Variants in PHACTR3 observed in about 807,000 individuals in gnomAD.
PHACTR3 encodes the protein phosphatase and actin regulator 3, also known as protein phosphatase 1, regulatory subunit 123.
Under a neutral mutation model 66.8 loss-of-function variants are expected in PHACTR3, and 16 were observed. That is an observed-to-expected ratio of 0.24 (90% CI 0.16 to 0.36). The LOEUF (loss-of-function observed/expected upper bound fraction) is 0.36, where lower values mean the gene tolerates loss of function less well. Ranked by LOEUF, PHACTR3 falls within the 10% of genes least tolerant of loss-of-function variation. The pLI is 1.00. For missense variants in PHACTR3, 647 were observed against 719.9 expected (o/e 0.90, Z 1.16); for synonymous variants, 323 against 292.1 (o/e 1.11, Z -1.08).
At chr20:59,844,701 G>C (rs546078105) in intron 11 of PHACTR3, 1 of 152,220 alleles carries the variant, frequency 6.6e-6, no homozygotes, top group East Asian at 1.9e-4. Flanking sequence ...TTTGGGGAGA[G>C]AAAGAGAGGT....
At chr20:59,748,952 T>G in intron 3 of PHACTR3, among the ~76,000 whole-genome samples, 1 of 152,190 alleles carries the variant, frequency 6.6e-6, no homozygotes, top group Admixed American at 6.5e-5. Flanking sequence ...GGGCCCAGGC[T>G]TTTGTCATTG....
chr20:59,625,210 T>A (rs1385802885), intron 1 of PHACTR3, among the ~76,000 whole-genome samples: 1 of 152,006 alleles, frequency 6.6e-6, no homozygotes, highest in Non-Finnish European at 1.5e-5. Flanking sequence ...AGAGCCAGGG[T>A]CTGCAGAGAT....
intron 8 of PHACTR3, among the ~76,000 whole-genome samples, chr20:59,807,180 CTT>C (rs1252296585): frequency 6.6e-6 from 1 of 152,208 alleles, no homozygotes; most frequent in Non-Finnish European, 1.5e-5. Context: ...CTTTCGGACT[CTT>C]ATAATAACAC....
At chr20:59,617,442 A>G (rs902067916) in intron 1 of PHACTR3, among the ~76,000 whole-genome samples, 4 of 152,196 alleles carry the variant, frequency 2.6e-5, no homozygotes, top group African/African-American at 9.7e-5. Context: ...TTTGTTAATG[A>G]TTGGTCTCTG....
At chr20:59,743,588 C>A (rs17805233) in intron 2 of PHACTR3, among the ~76,000 whole-genome samples, 1 of 152,164 alleles carries the variant, frequency 6.6e-6, no homozygotes, top group Non-Finnish European at 1.5e-5. Flanking sequence ...TGGGTTGGGC[C>A]GAGACACTGG....
chr20:59,668,122 G>A (rs1042826090), intron 1 of PHACTR3, among the ~76,000 whole-genome samples: 1 of 152,134 alleles, frequency 6.6e-6, no homozygotes, highest in African/African-American at 2.4e-5. Context: ...GGTTAGAGAT[G>A]GACACGTATG....
chr20:59,825,188 T>C (rs2042150861), intron 8 of PHACTR3, among the ~76,000 whole-genome samples: 2 of 152,202 alleles, frequency 1.3e-5, no homozygotes, highest in South Asian at 4.1e-4. Flanking sequence ...TTGTCCTGGG[T>C]TGGCACACAT....
chr20:59,675,028 C>T (rs115593779), intron 1 of PHACTR3, among the ~76,000 whole-genome samples: 5,049 of 105,616 alleles, frequency 0.048, 640 homozygotes, highest in African/African-American at 0.2. Context: ...ATTCTCCTCC[C>T]TGTTCCTCCC....
intron 7 of PHACTR3, among the ~76,000 whole-genome samples, chr20:59,787,184 C>A (rs1386480493): frequency 1.3e-5 from 2 of 152,198 alleles, no homozygotes; most frequent in Non-Finnish European, 2.9e-5. Flanking sequence ...TTGCACTTGA[C>A]CTGCTGTGAA....
chr20:59,761,622 C>T (rs1871439902), intron 4 of PHACTR3, among the ~76,000 whole-genome samples: 1 of 152,198 alleles, frequency 6.6e-6, no homozygotes, highest in Admixed American at 6.5e-5. Flanking sequence ...GATTTTGCCT[C>T]TTAGCCTGGA....
intron 1 of PHACTR3, among the ~76,000 whole-genome samples, chr20:59,590,495 T>C (rs916823047): frequency 6.6e-6 from 1 of 152,166 alleles, no homozygotes; most frequent in African/African-American, 2.4e-5. Flanking sequence ...CAGCACTTGG[T>C]GTTAGACTTT....
chr20:59,777,254 G>T (rs2040570448), intron 7 of PHACTR3, among the ~76,000 whole-genome samples: 1 of 152,194 alleles, frequency 6.6e-6, no homozygotes, highest in Non-Finnish European at 1.5e-5. Context: ...CTCATCTAGA[G>T]ATTAACTTAA....
chr20:59,817,547 G>A (rs1313778838), intron 8 of PHACTR3, among the ~76,000 whole-genome samples: 1 of 152,256 alleles, frequency 6.6e-6, no homozygotes, highest in African/African-American at 2.4e-5. Context: ...GAGGCGGGTG[G>A]GGGATGGTGT....
At chr20:59,710,002 C>T (rs1471579834) in intron 1 of PHACTR3, among the ~76,000 whole-genome samples, 1 of 152,100 alleles carries the variant, frequency 6.6e-6, no homozygotes, top group Non-Finnish European at 1.5e-5. Context: ...TGTGTTCTGA[C>T]ATTCCTGAGT....
chr20:59,773,359 T>C lies in PHACTR3; in HGVS notation c.832T>C (p.Ser278Pro), dbSNP rs2040419372. Residue 278 changes from serine (S) to proline (P), a missense_variant, in exon 6 of 13, where the codon TCT (serine) becomes CCT (proline). Ser to Pro is a moderately conservative substitution (Grantham distance 74, BLOSUM62 -1). Around this residue, in one of 2 missense-constraint regions of PHACTR3, gnomAD observed 577 missense variants for 571.1 expected, o/e 1.01. Coordinates refer to ENST00000371015, the MANE Select transcript of PHACTR3 (RefSeq NM_080672.5). ...GGGCCAGCTCTCCACACCCACGGGG[T>C]CTCCGCATCTCACCACGGTCCACCG... Reference protein sequence around the residue: ...LRGQLSTPTGSPHLTTVHRPL... With the variant: ...LRGQLSTPTGPPHLTTVHRPL... The C allele has an allele frequency of 6.2e-7, 1 of 1,613,802 alleles. No homozygotes were observed. The highest frequency in any genetic ancestry group is 8.5e-7 in the Non-Finnish European group (1 of 1,179,954).
chr20:59,745,303 C>T (rs1460899354), intron 2 of PHACTR3, among the ~76,000 whole-genome samples: 1 of 152,160 alleles, frequency 6.6e-6, no homozygotes, highest in Non-Finnish European at 1.5e-5. Context: ...TGACATTCTC[C>T]AGGCCTGCTG....
upstream of PHACTR3, among the ~76,000 whole-genome samples, chr20:59,602,774 A>G (rs564534641): frequency 8.8e-3 from 1,339 of 152,256 alleles, 24 homozygotes; most frequent in African/African-American, 0.03. Flanking sequence ...GGCCCAAGGC[A>G]TGGTTGGGGG....
At position 59,618,376 on chromosome 20, in the gene PHACTR3, C is replaced by T. The variant is rs919477924; in HGVS notation, c.118+13244C>T. On this transcript the variant is annotated intron_variant, in intron 1 of 12. Transcript: ENST00000371015. The stretch of plus-strand genomic sequence containing the variant: ...GACAGAGACCAAGAGACAGTGTGAT[C>T]GGGCACATTTCCAAGCCGTCACTCT... 3.4e-4 allele frequency among the ~76,000 whole-genome samples: 52 copies of T among 152,050 alleles called. 1 individual carries two copies. The highest frequency in any genetic ancestry group is 8.5e-4 in the African/African-American group (35 of 41,400).
At chr20:59,702,710 A>G (rs1407797644) in intron 1 of PHACTR3, among the ~76,000 whole-genome samples, 1 of 152,208 alleles carries the variant, frequency 6.6e-6, no homozygotes, top group Admixed American at 6.5e-5. Context: ...TGGATAAGTA[A>G]GTGATGGATT....
Sources: gnomAD v4.1 joint callset for allele counts (sites outside exome capture counted in the v4.1 genomes callset) on GRCh38, gnomAD v4.1.1 for gene constraint, gnomAD v4.1.1 regional missense constraint, MANE v1.5 for transcripts, NCBI Gene and HGNC (gene_info 2026-07-23, HGNC 2026-07-21) for gene names.